The following KIFAP3 variants were observed in gnomAD, a reference collection of about 807,000 sequenced individuals.
KIFAP3 encodes kinesin-associated protein 3.
In KIFAP3, 68 loss-of-function variants were observed where a neutral mutation model predicts 106.5. The ratio of observed to expected loss-of-function variants is 0.64; its 90% CI spans 0.53 to 0.78. The LOEUF is 0.78. Ranked by LOEUF, KIFAP3 falls within the 30% of genes least tolerant of loss-of-function variation. KIFAP3 has a pLI of 0.00. For missense variants in KIFAP3, 780 were observed against 941.8 expected, an observed-to-expected ratio of 0.83 and a Z score of 2.25; for synonymous variants, 320 against 311.5, an observed-to-expected ratio of 1.03 and a Z score of -0.29.
chr1:170,042,218 G>T (rs567387499), intron 3 of KIFAP3, among the ~76,000 whole-genome samples: 2 of 152,284 alleles, frequency 1.3e-5, no homozygotes, highest in Admixed American at 6.5e-5. Context: ...CCCTTGGATT[G>T]TATCTTGCAA....
At chr1:170,063,134 T>G (rs1434921066) in intron 1 of KIFAP3, among the ~76,000 whole-genome samples, 1 of 152,202 alleles carries the variant, frequency 6.6e-6, no homozygotes, top group Non-Finnish European at 1.5e-5. Flanking sequence ...TAAATTCTGC[T>G]AAGCCAGTAG....
chr1:169,924,844 A>C (rs1663043243), intron 19 of KIFAP3, among the ~76,000 whole-genome samples: 1 of 152,208 alleles, frequency 6.6e-6, no homozygotes, highest in Non-Finnish European at 1.5e-5. Context: ...AGAAACTATG[A>C]ATATAAAAAG....
chr1:169,960,876 G>GT (rs1346501718), intron 18 of KIFAP3, among the ~76,000 whole-genome samples, 170 bp downstream of exon 18: 4 of 151,976 alleles, frequency 2.6e-5, no homozygotes, highest in East Asian at 3.9e-4. Flanking sequence ...AAAAAAAATG[G>GT]TAAGTTAATA....
intron 10 of KIFAP3, among the ~76,000 whole-genome samples, chr1:170,004,586 G>A (rs1242889070): frequency 6.6e-6 from 1 of 152,128 alleles, no homozygotes; most frequent in African/African-American, 2.4e-5. Context: ...TGACAAACCT[G>A]AGAAAAACAA....
chr1:170,040,595 T>C (rs1669920101), intron 3 of KIFAP3, among the ~76,000 whole-genome samples: 2 of 152,158 alleles, frequency 1.3e-5, no homozygotes, highest in South Asian at 4.2e-4. Flanking sequence ...AACTATACTA[T>C]ACAACCTACA....
intron 2 of KIFAP3, among the ~76,000 whole-genome samples, chr1:170,050,563 A>C (rs985063532): frequency 6.6e-6 from 1 of 152,148 alleles, no homozygotes; most frequent in Non-Finnish European, 1.5e-5. Flanking sequence ...AGGTTGAAAC[A>C]AAGGAAAAAA....
intron 1 of KIFAP3, among the ~76,000 whole-genome samples, chr1:170,070,729 G>C (rs149564855): frequency 2.0e-5 from 3 of 152,252 alleles, no homozygotes; most frequent in East Asian, 1.9e-4. Flanking sequence ...GAAGAAAACA[G>C]AGGGACAAAC....
Position 169,954,001 on chromosome 1 carries a change from A to C in KIFAP3, c.2273+10T>G. ...ACTACACATTAGATTTTTCTTGGAA[A>C]ACTGTTTACCTGCCAGGAAATGAAT... On this transcript the variant is annotated intron_variant, in intron 19 of 19. Coordinates refer to ENST00000361580, the MANE Select transcript of KIFAP3 (RefSeq NM_014970.4). The C allele has an allele frequency of 6.3e-7, 1 of 1,594,844 alleles. No homozygotes were observed. The highest frequency in any genetic ancestry group is 8.6e-7 in the Non-Finnish European group (1 of 1,162,514).
At chr1:170,039,313 A>C (rs1353046684) in intron 3 of KIFAP3, 25 bp from the exon 4 acceptor site, 6 of 1,370,172 alleles carry the variant, frequency 4.4e-6, no homozygotes, top group African/African-American at 2.9e-5. Context: ...TTTTTTAATA[A>C]GGAGACTTAG....
At chr1:169,923,189 G>T in intron 19 of KIFAP3, 1 of 494,666 alleles carries the variant, frequency 2.0e-6, no homozygotes, top group Non-Finnish European at 2.6e-6. Context: ...TAAAAACTCT[G>T]TCTATAGTTT....
chr1:170,085,011 C>T (rs1045287940), intron 1 of KIFAP3: 6 of 152,200 alleles, frequency 3.9e-5, no homozygotes, highest in Non-Finnish European at 8.8e-5. Flanking sequence ...TTTGCTTCAA[C>T]AGTACATAGA....
intron 15 of KIFAP3, among the ~76,000 whole-genome samples, chr1:169,979,166 C>T (rs1666379111): frequency 6.6e-6 from 1 of 152,076 alleles, no homozygotes; most frequent in South Asian, 2.1e-4. Flanking sequence ...ATTATAATCA[C>T]TATGGGACAG....
At chr1:170,038,145 A>T (rs1206265202) in intron 5 of KIFAP3, 145 bp downstream of exon 5, 1 of 641,282 alleles carries the variant, frequency 1.6e-6, no homozygotes, top group Non-Finnish European at 2.5e-6. Context: ...AATTCTCTGG[A>T]GAATATTTAA....
intron 5 of KIFAP3, among the ~76,000 whole-genome samples, chr1:170,037,627 C>T (rs1236946596): frequency 6.6e-6 from 1 of 151,368 alleles, no homozygotes; most frequent in Non-Finnish European, 1.5e-5. Flanking sequence ...ATCCCAGCTA[C>T]TCAGGAGGCT....
chr1:170,010,278 A>G (rs771336237), intron 10 of KIFAP3, among the ~76,000 whole-genome samples: 44 of 152,008 alleles, frequency 2.9e-4, no homozygotes, highest in Non-Finnish European at 5.9e-4. Flanking sequence ...ACTCTTAGGG[A>G]AAGATCAAAA....
At chr1:170,023,629 A>C (rs990314898) in intron 9 of KIFAP3, among the ~76,000 whole-genome samples, 1 of 152,146 alleles carries the variant, frequency 6.6e-6, no homozygotes, top group Non-Finnish European at 1.5e-5. Context: ...TCTGAAAACA[A>C]GGTAGGTTAA....
chr1:169,921,602 G>T lies in KIFAP3; in HGVS notation c.*74C>A. The T allele has an allele frequency of 8.9e-7, 1 of 1,123,192 alleles. No homozygotes were observed. Among genetic ancestry groups the T allele is most frequent in the Non-Finnish European group, 1.3e-6 (1 of 749,818 alleles). 69.6% of individuals were successfully genotyped at this position (1,123,192 alleles called of 1,614,324 possible). A position where few individuals can be genotyped will look rare whatever the true frequency, so the allele number is the denominator to read the frequency against. On this transcript the variant is annotated 3_prime_UTR_variant, in exon 20 of 20. Transcript: ENST00000361580. ...CAATAACATCAACATGCATTATTAG[G>T]CAAAGATCCAAAATTAACCCAACCC...
chr1:170,035,483 G>T lies in KIFAP3; in HGVS notation c.588C>A (p.Asn196Lys). 1 of 1,608,738 alleles carries T rather than the reference G, an allele frequency of 6.2e-7. No homozygotes were observed. Among genetic ancestry groups the T allele is most frequent in the Non-Finnish European group, 8.5e-7 (1 of 1,177,130 alleles). ...AGAAACAAAAAAAGATGTAAATTAT[G>T]TTTGTAGCTAACTCGACACTTTGCT... ...DWKQSVELAT[N>K]IIYIFFCFSS... The change falls in exon 6 of 20, where the codon AAC becomes AAA. Residue 196 changes from asparagine to lysine, a missense_variant. By Grantham distance (94) the Asn-to-Lys change is moderately conservative (BLOSUM62 0). Around this residue, in one of 3 missense-constraint regions of KIFAP3, gnomAD observed 588 missense variants for 678.9 expected, o/e 0.87. Transcript: ENST00000361580.
At chr1:170,044,221 T>C (rs1048380738) in intron 3 of KIFAP3, among the ~76,000 whole-genome samples, 2 of 152,192 alleles carry the variant, frequency 1.3e-5, no homozygotes, top group African/African-American at 4.8e-5. Context: ...CTTATGAAAA[T>C]GGATATTGTA....
Sources: allele counts gnomAD v4.1 joint callset (sites outside exome capture counted in the v4.1 genomes callset), GRCh38; gene constraint gnomAD v4.1.1; regional missense constraint gnomAD v4.1.1; transcripts MANE v1.5; gene names NCBI Gene and HGNC (gene_info 2026-07-23, HGNC 2026-07-21).